Variants in FOXN4 observed in about 807,000 individuals in gnomAD.
The protein encoded by FOXN4 is forkhead box protein N4.
In FOXN4, 12 loss-of-function variants were observed where a neutral mutation model predicts 45.0. That is an observed-to-expected ratio of 0.27 (90% confidence interval 0.17 to 0.43). The LOEUF (loss-of-function observed/expected upper bound fraction) is 0.43, where lower values mean the gene tolerates loss of function less well. FOXN4 is among the 20% of genes least tolerant of loss of function. FOXN4 has a pLI of 1.00. For missense variants in FOXN4, 560 were observed against 694.9 expected, an observed-to-expected ratio of 0.81 and a Z score of 2.18; for synonymous variants, 297 against 295.0, an observed-to-expected ratio of 1.01 and a Z score of -0.07.
chr12:109,293,788 G>A (rs968620386), intron 2 of FOXN4, among the ~76,000 whole-genome samples: 3 of 152,178 alleles, frequency 2.0e-5, no homozygotes, highest in South Asian at 2.1e-4. Flanking sequence ...CTGCTTGGCT[G>A]GTTGAAATAG....
chr12:109,294,466 G>T (rs11836955), intron 2 of FOXN4, among the ~76,000 whole-genome samples: 2 of 151,296 alleles, frequency 1.3e-5, no homozygotes, highest in East Asian at 3.9e-4. Context: ...TCGATGGCCA[G>T]GCCCCTGCTT....
rs1359857946 is a variant in FOXN4, at chr12:109,285,505, G to A, written c.700C>T (p.Pro234Ser). ...CGCACCGAGTTCTTCCACCCGTCGG[G>A]GGCCGTCTATGAAGACACATGGGCA... Reference protein sequence around the residue: ...KEHFPYFKTAPDGWKNSVRHN... With the variant: ...KEHFPYFKTASDGWKNSVRHN... Residue 234 changes from proline to serine, a missense_variant, in exon 8 of 10, where the codon CCC becomes TCC. Pro to Ser is a moderately conservative substitution (Grantham distance 74). Coordinates refer to ENST00000299162, the MANE Select transcript of FOXN4 (RefSeq NM_213596.3). 6.2e-7 allele frequency: 1 copy of A among 1,613,864 alleles called. No homozygotes were observed. Among genetic ancestry groups the A allele is most frequent in the African/African-American group, 1.3e-5 (1 of 74,922 alleles).
chr12:109,297,226 G>A (rs1263507540), intron 2 of FOXN4, among the ~76,000 whole-genome samples: 1 of 152,260 alleles, frequency 6.6e-6, no homozygotes, highest in African/African-American at 2.4e-5. Context: ...AGGTGCCTGA[G>A]CTCCACCTCC....
Position 109,279,734 on chromosome 12 carries a change from C to T in FOXN4, c.1491G>A (p.Ser497=), listed in dbSNP as rs142584246. The change falls in exon 10 of 10, where the codon TCG becomes TCA. Residue 497 remains serine (S), a synonymous_variant. Transcript: ENST00000299162. ...GGTACTGGGAGGAGGAGCTGGTGCC[C>T]GATGCAGCCACACTGTCCGGAGTGG... ...AYSTPDSVAA[S]GTSSSSQYLG... 3.5e-4 allele frequency: 551 copies of T among 1,579,992 alleles called. 1 individual carries two copies. The highest frequency in any genetic ancestry group is 2.0e-3 in the South Asian group (171 of 86,302).
intron 2 of FOXN4, among the ~76,000 whole-genome samples, chr12:109,300,165 GAC>G (rs1410571924): frequency 1.3e-5 from 2 of 152,204 alleles, no homozygotes; most frequent in Non-Finnish European, 2.9e-5. Context: ...TGGAGAAGTA[GAC>G]CCCGTGAAGA....
intron 2 of FOXN4, among the ~76,000 whole-genome samples, chr12:109,292,838 C>T (rs192714080): frequency 1.1e-3 from 163 of 152,234 alleles, no homozygotes; most frequent in African/African-American, 3.9e-3. Context: ...CACTTCAATG[C>T]TGTCAGCCTG....
intron 8 of FOXN4, among the ~76,000 whole-genome samples, chr12:109,284,673 CAT>C (rs1491325104): frequency 4.0e-5 from 6 of 149,542 alleles, no homozygotes; most frequent in Non-Finnish European, 5.9e-5. Context: ...TGTGTGCGCA[CAT>C]GTGTGTGTGT....
chr12:109,293,369 T>A (rs2047787212), intron 2 of FOXN4, among the ~76,000 whole-genome samples: 1 of 152,106 alleles, frequency 6.6e-6, no homozygotes, highest in Non-Finnish European at 1.5e-5. Context: ...GCACCCTGAC[T>A]GCTCTCTACA....
Position 109,290,723 on chromosome 12 carries a change from G to C in FOXN4, c.87-437C>G, listed in dbSNP as rs964800920. On this transcript the variant is annotated intron_variant, in intron 2 of 9. Coordinates refer to ENST00000299162, the MANE Select transcript of FOXN4 (RefSeq NM_213596.3). The surrounding 1 kb of genome is among the most constrained non-coding windows in gnomAD (Gnocchi z 5.1). ...ACAGAGCACTCAGGGCCTGTGGTCA[G>C]GGTCCCACCTGCCATGACAAGATCA... is the stretch of plus-strand genomic sequence containing the variant. Among the ~76,000 whole-genome samples, 5 of 152,300 alleles carry C rather than the reference G, an allele frequency of 3.3e-5. No individual in the cohort carries two copies. In the South Asian group the frequency reaches 1.0e-3, roughly 32 times the overall value.
chr12:109,303,178 C>T (rs922903844), intron 2 of FOXN4, among the ~76,000 whole-genome samples: 1 of 152,140 alleles, frequency 6.6e-6, no homozygotes, highest in South Asian at 2.1e-4. Flanking sequence ...GGGAAAGAGT[C>T]GGACCACAGA....
chr12:109,294,144 C>T (rs1005791840), intron 2 of FOXN4, among the ~76,000 whole-genome samples: 4 of 152,102 alleles, frequency 2.6e-5, no homozygotes, highest in Non-Finnish European at 4.4e-5. Flanking sequence ...CCGGCATCTC[C>T]CAGAGAGCCA....
intron 8 of FOXN4, among the ~76,000 whole-genome samples, chr12:109,284,861 C>T (rs1269973170): frequency 6.7e-6 from 1 of 148,276 alleles, no homozygotes; most frequent in Non-Finnish European, 1.5e-5. Flanking sequence ...CAGGTCCTTC[C>T]TCTTCTGCGT....
chr12:109,307,087 T>G (rs1277515681), intron 2 of FOXN4, among the ~76,000 whole-genome samples: 1 of 152,198 alleles, frequency 6.6e-6, no homozygotes, highest in Non-Finnish European at 1.5e-5. Context: ...CACAGCAGGC[T>G]CTCTGCAAAT....
At chr12:109,282,448 T>A (rs545365323) in intron 8 of FOXN4, among the ~76,000 whole-genome samples, 44 of 149,250 alleles carry the variant, frequency 2.9e-4, no homozygotes, top group Non-Finnish European at 4.8e-4. Flanking sequence ...ACCCTGCCTT[T>A]AAAAAAAAAA....
rs1261820747 is a variant in FOXN4, at chr12:109,291,070, C to T, written c.87-784G>A. Reference sequence around the variant, plus strand: ...GTCAGTGCCTCCTGAAGCCTGAGCCCTTCAACTCGACCCCTGGTGGTCCCA... The same window carrying T: ...GTCAGTGCCTCCTGAAGCCTGAGCCTTTCAACTCGACCCCTGGTGGTCCCA... On this transcript the variant is annotated intron_variant, in intron 2 of 9. Transcript: ENST00000299162. This position sits in a 1 kb window ranked among gnomAD's most constrained non-coding sequence, Gnocchi z 6.6. Among the ~76,000 whole-genome samples, 1 of 152,148 alleles carries T rather than the reference C, an allele frequency of 6.6e-6. No individual in the cohort carries two copies. The highest frequency in any genetic ancestry group is 1.5e-5 in the Non-Finnish European group (1 of 68,022).
At chr12:109,286,595 ACCAGGAAGAGACCAGGGCAGCT>A in intron 7 of FOXN4, 31 bp downstream of exon 7, 2 of 1,545,600 alleles carry the variant, frequency 1.3e-6, no homozygotes, top group Middle Eastern at 1.7e-4. Flanking sequence ...TTCTGGCAGC[ACCAGGAAGAGACCAGGGCAGCT>A]CCAGCACCCC....
chr12:109,286,511 T>C (rs2047711651), intron 7 of FOXN4, 137 bp downstream of exon 7: 1 of 773,816 alleles, frequency 1.3e-6, no homozygotes, highest in South Asian at 1.7e-5. Flanking sequence ...TGAGTGTGTG[T>C]GCACATGTCC....
intron 9 of FOXN4, among the ~76,000 whole-genome samples, chr12:109,280,143 C>T (rs1440935683): frequency 1.3e-5 from 2 of 151,966 alleles, no homozygotes; most frequent in African/African-American, 2.4e-5. Context: ...AGGAGTTCAA[C>T]GCCAGCCTGG....
chr12:109,280,342 C>CAAAAA (rs34879457), intron 9 of FOXN4, among the ~76,000 whole-genome samples: 2 of 53,544 alleles, frequency 3.7e-5, no homozygotes, highest in African/African-American at 1.5e-4. Flanking sequence ...GACTCCACCT[C>CAAAAA]AAAAAAAAAA....
Sources: gnomAD v4.1 joint callset for allele counts (sites outside exome capture counted in the v4.1 genomes callset) on GRCh38, gnomAD v4.1.1 for gene constraint, Gnocchi (gnomAD v3.1) non-coding constraint, MANE v1.5 for transcripts, NCBI Gene and HGNC (gene_info 2026-07-23, HGNC 2026-07-21) for gene names.